MRPL45: variants seen among roughly 807,000 people sequenced by gnomAD.
The protein encoded by MRPL45 is large ribosomal subunit protein mL45.
Under a neutral mutation model 38.1 loss-of-function variants are expected in MRPL45, and 20 were observed. The observed-to-expected ratio is 0.53, with a 90% CI of 0.37 to 0.76. The LOEUF (loss-of-function observed/expected upper bound fraction) is 0.76. Among genes scored for constraint, MRPL45 ranks in the 30% least tolerant of loss-of-function variants. The pLI is 0.00. For missense variants in MRPL45, 337 were observed against 395.6 expected (o/e 0.85, Z 1.26); for synonymous variants, 105 against 128.8 (o/e 0.82, Z 1.25).
At chr17:38,318,206 C>CAAAAAAA (rs1163303123) in intron 4 of MRPL45, among the ~76,000 whole-genome samples, 15 of 57,644 alleles carry the variant, frequency 2.6e-4, no homozygotes, top group Non-Finnish European at 3.3e-4. Flanking sequence ...GACTCTGTCT[C>CAAAAAAA]AAAAAAAAAA....
chr17:38,313,666 CTTT>C (rs113089636), intron 4 of MRPL45, among the ~76,000 whole-genome samples: 4 of 139,754 alleles, frequency 2.9e-5, no homozygotes, highest in Non-Finnish European at 3.1e-5. Flanking sequence ...GAAGAAAGGT[CTTT>C]TTTTTTTTTT....
chr17:38,322,320 TAA>T (rs1264880649), intron 7 of MRPL45, 21 bp downstream of exon 7: 2 of 1,609,636 alleles, frequency 1.2e-6, no homozygotes, highest in Non-Finnish European at 1.7e-6. Flanking sequence ...TTGCATGGTT[TAA>T]GAGAGCTGAG....
At chr17:38,300,040 C>CTTTATTTA (rs531265363) in intron 3 of MRPL45, among the ~76,000 whole-genome samples, 5 of 149,924 alleles carry the variant, frequency 3.3e-5, no homozygotes, top group African/African-American at 1.2e-4. Flanking sequence ...ACGCCCAGCC[C>CTTTATTTA]TTTATTTATT....
rs548039792 is a variant in MRPL45 at position 38,298,008 on chromosome 17, G to A, written c.67-441G>A. On this transcript the variant is annotated intron_variant, in intron 1 of 7. Transcript: ENST00000613675. The stretch of plus-strand genomic sequence containing the variant: ...GCTACTTGGGAGGCTGCGGTGGGAG[G>A]ATAGCTAGAGCCCAGGAGGTCAAGG... Among the ~76,000 whole-genome samples, 8 of 152,250 alleles carry A rather than the reference G, an allele frequency of 5.3e-5. No homozygotes were observed. The South Asian group carries it at 1.7e-3, about 32-fold the overall frequency.
At chr17:38,321,836 G>A (rs1316557919) in intron 6 of MRPL45, among the ~76,000 whole-genome samples, 1 of 151,954 alleles carries the variant, frequency 6.6e-6, no homozygotes. Flanking sequence ...TTGGACAGCT[G>A]GGTCAACATG....
intron 4 of MRPL45, among the ~76,000 whole-genome samples, chr17:38,313,385 CATATAT>C (rs1189832077): frequency 5.1e-5 from 1 of 19,616 alleles, no homozygotes; most frequent in Non-Finnish European, 8.8e-5. Flanking sequence ...TATATATATA[CATATAT>C]ATATATATAT....
intron 2 of MRPL45, among the ~76,000 whole-genome samples, chr17:38,299,081 G>A (rs2036965559): frequency 6.6e-6 from 1 of 151,036 alleles, no homozygotes; most frequent in African/African-American, 2.4e-5. Flanking sequence ...GTAGAGATGG[G>A]GTTTCACCAT....
At chr17:38,309,944 G>A (rs1483237360) in intron 4 of MRPL45, among the ~76,000 whole-genome samples, 3 of 152,000 alleles carry the variant, frequency 2.0e-5, no homozygotes, top group African/African-American at 7.2e-5. Context: ...TGTGCCAAAT[G>A]TGTCTTCAGC....
chr17:38,314,217 GC>G (rs1462834804), intron 4 of MRPL45, among the ~76,000 whole-genome samples: 2 of 152,086 alleles, frequency 1.3e-5, no homozygotes, highest in African/African-American at 4.8e-5. Context: ...CAATTCTCCT[GC>G]CTCAGCCTCC....
intron 6 of MRPL45, among the ~76,000 whole-genome samples, 200 bp downstream of exon 6, chr17:38,320,967 C>T (rs1374409548): frequency 8.2e-6 from 1 of 122,496 alleles, no homozygotes; most frequent in African/African-American, 2.5e-5. Flanking sequence ...TATTCTCTCC[C>T]ACTCTTCCTG....
chr17:38,313,726 G>A (rs1163983982), intron 4 of MRPL45, among the ~76,000 whole-genome samples: 3 of 150,200 alleles, frequency 2.0e-5, no homozygotes, highest in Admixed American at 6.6e-5. Flanking sequence ...GCAGTGGCAC[G>A]ATCTCGGCTC....
chr17:38,306,761 T>A, intron 4 of MRPL45, 130 bp downstream of exon 4: 1 of 864,620 alleles, frequency 1.2e-6, no homozygotes, highest in Non-Finnish European at 1.8e-6. Context: ...AGATCTAGAG[T>A]GAGAGAACTT....
chr17:38,311,163 C>G (rs1361973101), intron 4 of MRPL45, among the ~76,000 whole-genome samples: 2 of 152,152 alleles, frequency 1.3e-5, no homozygotes, highest in Non-Finnish European at 2.9e-5. Context: ...ACCCATTAAG[C>G]AGTAATTCCC....
At chr17:38,319,855 C>T (rs952066547) in intron 5 of MRPL45, among the ~76,000 whole-genome samples, 3 of 152,178 alleles carry the variant, frequency 2.0e-5, no homozygotes, top group South Asian at 2.1e-4. Context: ...GTAACCCCAG[C>T]GCTTTGGGAG....
At chr17:38,305,093 C>G (rs1214878646) in intron 3 of MRPL45, among the ~76,000 whole-genome samples, 8 of 151,406 alleles carry the variant, frequency 5.3e-5, no homozygotes, top group Admixed American at 1.3e-4. Context: ...GATCTGCCTG[C>G]TTTGGCCTCC....
chr17:38,314,496 C>T (rs899310977), intron 4 of MRPL45, among the ~76,000 whole-genome samples: 10 of 152,118 alleles, frequency 6.6e-5, no homozygotes, highest in African/African-American at 1.7e-4. Context: ...GTTACCATAT[C>T]GAGTTTTTTC....
rs773429276 is a variant in MRPL45 at position 38,322,461 on chromosome 17, T to G, written c.835-48T>G. On this transcript the variant is annotated intron_variant, in intron 7 of 7. Transcript: ENST00000613675. ...GAGCAAGGGATGAAGCTCTTCTGGGTCAGCCATGGGCTTGGTTGGTGGGTA... is the reference window on the plus strand; with the variant it reads ...GAGCAAGGGATGAAGCTCTTCTGGGGCAGCCATGGGCTTGGTTGGTGGGTA... The G allele has an allele frequency of 4.7e-5, 71 of 1,524,892 alleles. No individual in the cohort carries two copies. In the South Asian group the frequency reaches 7.6e-4, roughly 16 times the overall value. The allele number at this position is 1,524,892 out of a possible 1,614,324, so 94.5% of individuals were successfully genotyped here.
Position 38,306,603 on chromosome 17 carries a change from T to G in MRPL45, c.433T>G (p.Phe145Val), listed in dbSNP as rs535030813. The change falls in exon 4 of 8, where the codon TTT (phenylalanine) becomes GTT (valine). Residue 145 changes from phenylalanine to valine, a missense_variant. Transcript: ENST00000613675. ...CTTCCCTGAAAAAGCTAAGGATATC[T>G]TTATTGAAGCTCACCTTTGTCTAAA... ...KDFPEKAKDI[F>V]IEAHLCLNNS... 1.9e-6 allele frequency: 3 copies of G among 1,613,586 alleles called. No individual in the cohort carries two copies. Among genetic ancestry groups the G allele is most frequent in the African/African-American group, 2.7e-5 (2 of 75,030 alleles).
In MRPL45 at chr17:38,320,094, T is replaced by C. The variant is rs1468343169; in HGVS notation, c.511-524T>C. 3.9e-5 allele frequency among the ~76,000 whole-genome samples: 6 copies of C among 152,062 alleles called. 1 individual carries two copies. The South Asian group carries it at 8.3e-4, about 21-fold the overall frequency. Reference sequence around the variant, plus strand: ...CTCTAGCCTGGGCAACAGAGCAAGATTGCCGTCTCAAAAATAAAAATAAAT... The same window carrying C: ...CTCTAGCCTGGGCAACAGAGCAAGACTGCCGTCTCAAAAATAAAAATAAAT... On this transcript the variant is annotated intron_variant, in intron 5 of 7. Transcript: ENST00000613675.
Sources: allele counts gnomAD v4.1 joint callset (sites outside exome capture counted in the v4.1 genomes callset), GRCh38; gene constraint gnomAD v4.1.1; transcripts MANE v1.5; gene names NCBI Gene and HGNC (gene_info 2026-07-23, HGNC 2026-07-21).